CYFIP1: variants seen among roughly 807,000 people sequenced by gnomAD.
The protein encoded by CYFIP1 is cytoplasmic FMR1 interacting protein 1.
A neutral mutation model predicts 163.5 loss-of-function variants in CYFIP1; 58 were observed. That is an observed-to-expected ratio of 0.35 (90% confidence interval 0.29 to 0.44). The LOEUF (loss-of-function observed/expected upper bound fraction) is 0.44. Among genes scored for constraint, CYFIP1 ranks in the 20% least tolerant of loss-of-function variants. CYFIP1 has a pLI of 1.00. For synonymous variants in CYFIP1, 663 were observed against 660.7 expected (o/e 1.00, Z -0.05); for missense variants, 1,338 against 1,653.8 (o/e 0.81, Z 3.31).
At chr15:22,897,615 C>G (rs1347325625) in intron 22 of CYFIP1, among the ~76,000 whole-genome samples, 1 of 152,096 alleles carries the variant, frequency 6.6e-6, no homozygotes, top group East Asian at 1.9e-4. Context: ...TCCTGAGTAG[C>G]TGGGACTACA....
intron 26 of CYFIP1, 131 bp from the exon 27 acceptor site, chr15:22,875,402 G>C: frequency 3.7e-6 from 3 of 804,892 alleles, no homozygotes; most frequent in Non-Finnish European, 6.3e-6. Flanking sequence ...TCTCTGTCAA[G>C]AGATTTCTGG....
chr15:22,972,723 C>T (rs1461219737), intron 1 of CYFIP1, among the ~76,000 whole-genome samples: 5 of 152,178 alleles, frequency 3.3e-5, no homozygotes, highest in African/African-American at 1.2e-4. Context: ...GAATTAAAGA[C>T]TTAAATGTGG....
rs1035265264 is a variant in CYFIP1 at position 22,910,635 on chromosome 15, T to C, written c.2160-7A>G. On this transcript the variant is annotated splice_polypyrimidine_tract_variant and splice_region_variant and intron_variant, in intron 19 of 30. Coordinates refer to ENST00000617928, the MANE Select transcript of CYFIP1 (RefSeq NM_014608.6). ...CCGTTTATCAAGAAGCAAACTAGTG[T>C]AGAAGGAAGACAGAAAGTTTTTCAT... 2.5e-6 allele frequency: 4 copies of C among 1,613,062 alleles called. No individual in the cohort carries two copies.
intron 1 of CYFIP1, chr15:22,947,934 G>C: frequency 5.1e-6 from 5 of 985,460 alleles, no homozygotes; most frequent in Non-Finnish European, 4.8e-6. Flanking sequence ...TCCAGGGAGA[G>C]GGGGCAATCT....
intron 22 of CYFIP1, among the ~76,000 whole-genome samples, chr15:22,901,187 A>G: frequency 6.6e-6 from 1 of 151,586 alleles, no homozygotes; most frequent in South Asian, 2.1e-4. Context: ...TGGGCAACAG[A>G]GTAAGACTCT....
rs2059703873 is a variant in CYFIP1, at chr15:22,879,897, T to TG, written c.3042+15_3042+16insC. 1.1e-4 allele frequency: 180 copies of TG among 1,601,780 alleles called. 1 individual carries two copies. The African/African-American group carries it at 2.1e-3, about 19-fold the overall frequency. On this transcript the variant is annotated intron_variant, in intron 26 of 30. Transcript: ENST00000617928. ...TGGGCTGGGGCGGGGAGGGGCGGCG[T>TG]TGGGGGGCCACTCACCAGGCTCTGC...
At chr15:22,945,238 C>T (rs1197087629) in intron 3 of CYFIP1, among the ~76,000 whole-genome samples, 1 of 152,166 alleles carries the variant, frequency 6.6e-6, no homozygotes, top group Non-Finnish European at 1.5e-5. Flanking sequence ...ACCTGCTGGC[C>T]ATGAGACCTG....
At chr15:22,891,897 C>T (rs1422031907) in intron 23 of CYFIP1, among the ~76,000 whole-genome samples, 2 of 152,218 alleles carry the variant, frequency 1.3e-5, no homozygotes, top group Non-Finnish European at 2.9e-5. Context: ...GTGCAGGCAG[C>T]GTGTGAGCGG....
chr15:22,976,819 C>T (rs1037237995), intron 1 of CYFIP1, among the ~76,000 whole-genome samples: 9 of 152,174 alleles, frequency 5.9e-5, no homozygotes, highest in African/African-American at 1.9e-4. Flanking sequence ...ATAACAAGGA[C>T]TGTTGTAAAC....
At chr15:22,972,992 C>T (rs1255896716) in intron 1 of CYFIP1, among the ~76,000 whole-genome samples, 5 of 151,932 alleles carry the variant, frequency 3.3e-5, no homozygotes, top group African/African-American at 9.7e-5. Context: ...AAAAATTAGC[C>T]GGGCATGGTG....
rs776934672 is a variant in CYFIP1 at position 22,914,713 on chromosome 15, G to A, written c.1985+13C>T. 24 of 1,601,038 alleles carry A rather than the reference G, an allele frequency of 1.5e-5. No homozygotes were observed. The highest frequency in any genetic ancestry group is 6.7e-5 in the African/African-American group (5 of 74,550). On this transcript the variant is annotated intron_variant, in intron 17 of 30. Coordinates refer to ENST00000617928, the MANE Select transcript of CYFIP1 (RefSeq NM_014608.6). ...ACACACAAAGGCTGGAGACAGGCCC[G>A]CAGGACACGCACTCCATCATCGATG...
chr15:22,868,573 A>G lies in CYFIP1; in HGVS notation c.*1455T>C. The G allele has an allele frequency of 6.6e-6, 1 of 151,402 alleles. No individual in the cohort carries two copies. The highest frequency in any genetic ancestry group is 1.5e-5 in the Non-Finnish European group (1 of 67,890). The allele number at this position is 151,402 out of a possible 1,614,324, so 9.4% of individuals were successfully genotyped here. A position where few individuals can be genotyped will look rare whatever the true frequency, so the allele number is the denominator to read the frequency against. On this transcript the variant is annotated 3_prime_UTR_variant, in exon 31 of 31. Transcript: ENST00000617928. ...GCTGGCCCCAGGGTTATTAATTCACATTACCAAAAGCATTTTTAGGGAACT... is the reference window on the plus strand; with the variant it reads ...GCTGGCCCCAGGGTTATTAATTCACGTTACCAAAAGCATTTTTAGGGAACT...
chr15:22,962,430 C>T (rs533911511), intron 1 of CYFIP1, among the ~76,000 whole-genome samples: 3 of 145,402 alleles, frequency 2.1e-5, no homozygotes, highest in South Asian at 4.4e-4. Context: ...CGGAGTTTTG[C>T]TCTTGTTGCC....
intron 1 of CYFIP1, among the ~76,000 whole-genome samples, chr15:22,962,228 C>G (rs142728855): frequency 6.6e-6 from 1 of 152,256 alleles, no homozygotes; most frequent in African/African-American, 2.4e-5. Context: ...CTGACCTGCT[C>G]TCACCATAAT....
chr15:22,918,091 G>C (rs1277500670), intron 14 of CYFIP1, among the ~76,000 whole-genome samples, 156 bp from the exon 15 acceptor site: 2 of 152,184 alleles, frequency 1.3e-5, no homozygotes, highest in Non-Finnish European at 2.9e-5. Context: ...TAATGGACCA[G>C]CTCAACAGGA....
intron 16 of CYFIP1, among the ~76,000 whole-genome samples, chr15:22,916,151 A>T (rs943243980): frequency 6.6e-6 from 1 of 152,184 alleles, no homozygotes; most frequent in Admixed American, 6.5e-5. Context: ...TGCAAGGGCC[A>T]TTTCTAGTAT....
Position 22,963,494 on chromosome 15 carries a change from AATAACATAACATAACATAACATAAC to A in CYFIP1, c.-6-16228_-6-16204del, listed in dbSNP as rs56889524. Among the ~76,000 whole-genome samples the A allele has an allele frequency of 1.7e-3, 232 of 138,028 alleles. 2 individuals carry two copies. Among genetic ancestry groups the A allele is most frequent in the Middle Eastern group, 3.5e-3 (1 of 286 alleles). The allele number at this position is 138,028 out of a possible 152,430, so 90.6% of individuals were successfully genotyped here. A position where few individuals can be genotyped will look rare whatever the true frequency, so the allele number is the denominator to read the frequency against. On this transcript the variant is annotated intron_variant, in intron 1 of 30. Transcript: ENST00000617928. ...AACAAGAGCAAAACTCTGTTTCAAAAATAACATAACATAACATAACATAACATAACATAACATAACATAACATAAC... is the reference window on the plus strand; with the variant it reads ...AACAAGAGCAAAACTCTGTTTCAAAAATAACATAACATAACATAACATAAC...
intron 8 of CYFIP1, among the ~76,000 whole-genome samples, chr15:22,938,246 T>C (rs908344074): frequency 1.3e-5 from 2 of 152,250 alleles, no homozygotes; most frequent in Admixed American, 1.3e-4. Context: ...ACTTTAATTA[T>C]GTGACACAAG....
chr15:22,883,576 G>C lies in CYFIP1; in HGVS notation c.2677-565C>G, dbSNP rs367989752. ...CTCACACCTGTAATCCCAGCCCTTT[G>C]GGAGGCCGAGGTGGGCAGATCACAA... On this transcript the variant is annotated intron_variant, in intron 23 of 30. Transcript: ENST00000617928. Among the ~76,000 whole-genome samples, 57 of 152,280 alleles carry C rather than the reference G, an allele frequency of 3.7e-4. 1 individual carries two copies. The highest frequency in any genetic ancestry group is 1.3e-3 in the African/African-American group (55 of 41,552).
Sources: gnomAD v4.1 joint callset for allele counts (sites outside exome capture counted in the v4.1 genomes callset) on GRCh38, gnomAD v4.1.1 for gene constraint, MANE v1.5 for transcripts, NCBI Gene and HGNC (gene_info 2026-07-23, HGNC 2026-07-21) for gene names.